TTC28: variants seen among roughly 807,000 people sequenced by gnomAD.
TTC28 encodes tetratricopeptide repeat domain 28.
A neutral mutation model predicts 198.0 loss-of-function variants in TTC28; 61 were observed. The observed-to-expected ratio is 0.31, with a 90% CI of 0.25 to 0.38. The LOEUF (loss-of-function observed/expected upper bound fraction) is 0.38. Among genes scored for constraint, TTC28 ranks in the 10% least tolerant of loss-of-function variants. The probability of loss-of-function intolerance (pLI) is 1.00; values close to 1 mark genes in which losing one functional copy is unlikely to be tolerated. For missense variants in TTC28, 2,678 were observed against 3,164.0 expected, an observed-to-expected ratio of 0.85 and a Z score of 3.69; for synonymous variants, 1,171 against 1,297.8, an observed-to-expected ratio of 0.90 and a Z score of 2.10.
intron 14 of TTC28, among the ~76,000 whole-genome samples, chr22:28,004,853 C>T (rs1176028600): frequency 6.6e-6 from 1 of 152,186 alleles, no homozygotes; most frequent in Non-Finnish European, 1.5e-5. Context: ...TATCTCTATT[C>T]AGCTTACATA....
At position 28,017,909 on chromosome 22, in the gene TTC28, A is replaced by G. The variant is rs532207685; in HGVS notation, c.4074-3517T>C. ...GGGTGGCCAGGGCACCCAAGCTCCA[A>G]TGAAGGCTCTGCCTCTGAGTCTCAG... On this transcript the variant is annotated intron_variant, in intron 13 of 22. Transcript: ENST00000397906. Among the ~76,000 whole-genome samples, 8 of 152,226 alleles carry G rather than the reference A, an allele frequency of 5.3e-5. No homozygotes were observed. The East Asian group carries it at 9.7e-4, about 18-fold the overall frequency.
At chr22:28,599,038 C>T (rs2050593368) in intron 2 of TTC28, among the ~76,000 whole-genome samples, 1 of 152,178 alleles carries the variant, frequency 6.6e-6, no homozygotes, top group African/African-American at 2.4e-5. Flanking sequence ...AATAAAACTA[C>T]TTCTCTGTGC....
At chr22:28,345,072 T>C (rs1001473910) in intron 2 of TTC28, among the ~76,000 whole-genome samples, 1 of 152,124 alleles carries the variant, frequency 6.6e-6, no homozygotes, top group Non-Finnish European at 1.5e-5. Flanking sequence ...CCCCCACTCT[T>C]TACACTGTAG....
intron 3 of TTC28, among the ~76,000 whole-genome samples, chr22:28,299,729 A>T (rs1271165637): frequency 1.3e-5 from 2 of 152,238 alleles, no homozygotes; most frequent in South Asian, 2.1e-4. Context: ...CTTTTAAAAT[A>T]TGCTCTCTTA....
intron 2 of TTC28, among the ~76,000 whole-genome samples, chr22:28,514,114 T>C (rs944725398): frequency 6.6e-6 from 1 of 152,196 alleles, no homozygotes; most frequent in Admixed American, 6.5e-5. Flanking sequence ...CACCTTTTTA[T>C]ATCTCCATGT....
intron 5 of TTC28, among the ~76,000 whole-genome samples, chr22:28,202,537 C>CAA (rs998861083): frequency 4.0e-4 from 44 of 110,770 alleles, no homozygotes; most frequent in Admixed American, 1.1e-3. Flanking sequence ...GACTCTGTCT[C>CAA]AAAAAAAAAA....
At chr22:28,315,105 C>T (rs1017031343) in intron 2 of TTC28, among the ~76,000 whole-genome samples, 1 of 152,106 alleles carries the variant, frequency 6.6e-6, no homozygotes, top group African/African-American at 2.4e-5. Context: ...TAAACACAAT[C>T]ATTTGAAGAT....
chr22:28,395,281 C>G (rs1331927045), intron 2 of TTC28, among the ~76,000 whole-genome samples: 1 of 152,102 alleles, frequency 6.6e-6, no homozygotes, highest in Middle Eastern at 3.2e-3. Flanking sequence ...TCCTCCCTTC[C>G]TTTCTTCTTT....
intron 2 of TTC28, among the ~76,000 whole-genome samples, chr22:28,600,477 G>A (rs926810451): frequency 6.6e-6 from 1 of 152,096 alleles, no homozygotes; most frequent in Non-Finnish European, 1.5e-5. Flanking sequence ...AACAAAAATT[G>A]ATATAGAGCA....
chr22:28,114,579 ATTT>A (rs68190158), intron 6 of TTC28, among the ~76,000 whole-genome samples: 13 of 138,906 alleles, frequency 9.4e-5, no homozygotes, highest in Admixed American at 1.5e-4. Flanking sequence ...AAAGGTATAG[ATTT>A]TTTTTTTTTT....
chr22:28,312,717 T>C (rs1300464552), intron 2 of TTC28, among the ~76,000 whole-genome samples: 1 of 152,174 alleles, frequency 6.6e-6, no homozygotes, highest in Non-Finnish European at 1.5e-5. Context: ...AAGCAGTGTG[T>C]AGAGGGAAAT....
chr22:27,982,532 G>A lies in TTC28; in HGVS notation c.7135C>T (p.Arg2379Trp), dbSNP rs573932994. ...QHSTGPMKIF[R>W]GAPGTMTSKR... Reference sequence around the variant, plus strand: ...GAAGTCATCGTGCCAGGAGCCCCCCGGAAGATCTTCATTGGCCCTGTGGAA... The same window carrying A: ...GAAGTCATCGTGCCAGGAGCCCCCCAGAAGATCTTCATTGGCCCTGTGGAA... The change falls in exon 23 of 23, where the codon CGG becomes TGG. Residue 2379 changes from arginine to tryptophan, a missense_variant. Coordinates refer to ENST00000397906, the MANE Select transcript of TTC28 (RefSeq NM_001145418.2). The surrounding 1 kb of genome is among the most constrained non-coding windows in gnomAD (Gnocchi z 5.2). 2.1e-5 allele frequency: 32 copies of A among 1,551,712 alleles called. No homozygotes were observed. Among genetic ancestry groups the A allele is most frequent in the Middle Eastern group, 1.7e-4 (1 of 5,992 alleles).
At chr22:28,632,380 A>G (rs1285418332) in intron 1 of TTC28, among the ~76,000 whole-genome samples, 1 of 147,550 alleles carries the variant, frequency 6.8e-6, no homozygotes, top group Non-Finnish European at 1.5e-5. Flanking sequence ...AGGTTCAAGC[A>G]ATTCTCCTGC....
chr22:28,160,598 G>T (rs945866834), intron 6 of TTC28, among the ~76,000 whole-genome samples: 2 of 151,958 alleles, frequency 1.3e-5, no homozygotes, highest in African/African-American at 4.8e-5. Context: ...ATTTGAAAAG[G>T]GAACACAATT....
At chr22:28,065,394 A>G (rs1443636127) in intron 12 of TTC28, among the ~76,000 whole-genome samples, 2 of 152,204 alleles carry the variant, frequency 1.3e-5, no homozygotes, top group South Asian at 4.1e-4. Flanking sequence ...GTCACTGATA[A>G]TCTTTAACCT....
chr22:28,230,669 G>T (rs934555257), intron 5 of TTC28, among the ~76,000 whole-genome samples: 1 of 152,146 alleles, frequency 6.6e-6, no homozygotes, highest in Admixed American at 6.5e-5. Context: ...AGAGAAATAG[G>T]ATATTTTCCC....
At chr22:28,606,121 T>C (rs906888279) in intron 2 of TTC28, among the ~76,000 whole-genome samples, 1 of 151,796 alleles carries the variant, frequency 6.6e-6, no homozygotes, top group South Asian at 2.1e-4. Context: ...TCTCTCCCTG[T>C]TGCCCAGGCT....
At chr22:28,208,241 T>C (rs1926600174) in intron 5 of TTC28, among the ~76,000 whole-genome samples, 1 of 152,190 alleles carries the variant, frequency 6.6e-6, no homozygotes, top group Admixed American at 6.5e-5. Context: ...CAAAGTAATT[T>C]AGTATTAGTC....
chr22:28,440,342 C>G (rs2146224354), intron 2 of TTC28, among the ~76,000 whole-genome samples: 1 of 152,124 alleles, frequency 6.6e-6, no homozygotes, highest in Non-Finnish European at 1.5e-5. Context: ...GTTGCAAACC[C>G]TAACTGAATA....
Sources: allele counts gnomAD v4.1 joint callset (sites outside exome capture counted in the v4.1 genomes callset), GRCh38; gene constraint gnomAD v4.1.1; non-coding constraint Gnocchi (gnomAD v3.1); transcripts MANE v1.5; gene names NCBI Gene and HGNC (gene_info 2026-07-23, HGNC 2026-07-21).